The following SATB2 variants were observed in gnomAD, a reference collection of about 807,000 sequenced individuals.
SATB2 encodes the protein SATB homeobox 2, also known as DNA-binding protein SATB2.
Under a neutral mutation model 73.4 loss-of-function variants are expected in SATB2, and 1 was observed. The ratio of observed to expected loss-of-function variants is 0.01; its 90% confidence interval spans 0.00 to 0.06. The LOEUF (loss-of-function observed/expected upper bound fraction) is 0.06. Among genes scored for constraint, SATB2 ranks in the 10% least tolerant of loss-of-function variants. The probability of loss-of-function intolerance (pLI) is 1.00; values close to 1 mark genes in which losing one functional copy is unlikely to be tolerated. For missense variants in SATB2, 459 were observed against 945.8 expected (o/e 0.49, Z 6.75); for synonymous variants, 397 against 367.0 (o/e 1.08, Z -0.93).
At chr2:199,443,524 A>G (rs1455686150) in intron 2 of SATB2, among the ~76,000 whole-genome samples, 1 of 143,548 alleles carries the variant, frequency 7.0e-6, no homozygotes, top group Admixed American at 7.5e-5. Flanking sequence ...TAAAAACTGA[A>G]AAGTAAAGTT....
At chr2:199,417,889 T>A (rs1691041662) in intron 3 of SATB2, among the ~76,000 whole-genome samples, 1 of 152,116 alleles carries the variant, frequency 6.6e-6, no homozygotes, top group Non-Finnish European at 1.5e-5. Flanking sequence ...TATTGTCAAT[T>A]TAAAAACATG....
chr2:199,381,715 G>A lies in SATB2; in HGVS notation c.452C>T (p.Thr151Met), dbSNP rs1414878673. 22 of 1,614,096 alleles carry A rather than the reference G, an allele frequency of 1.4e-5. No individual in the cohort carries two copies. Among genetic ancestry groups the A allele is most frequent in the Non-Finnish European group, 1.7e-5 (20 of 1,179,964 alleles). The part of the protein sequence containing the change: ...DMLQDVYHVV[T>M]LKIQLQSCSK... Reference sequence around the variant, plus strand: ...CCACCTTTGTAATTGGATTTTCAACGTCACAACATGATAGACATCTTGTAG... The same window carrying A: ...CCACCTTTGTAATTGGATTTTCAACATCACAACATGATAGACATCTTGTAG... Residue 151 changes from threonine to methionine, a missense_variant, in exon 4 of 11, where the codon ACG becomes ATG. Around this residue, in one of 13 missense-constraint regions of SATB2, gnomAD observed 56 missense variants for 183.7 expected, o/e 0.30. Transcript: ENST00000417098.
At chr2:199,279,302 G>T (rs1692410550) in intron 10 of SATB2, among the ~76,000 whole-genome samples, 1 of 152,190 alleles carries the variant, frequency 6.6e-6, no homozygotes. Context: ...CATGACCAAA[G>T]TTGACTAAGA....
intron 3 of SATB2, among the ~76,000 whole-genome samples, chr2:199,391,756 C>T (rs1441384590): frequency 6.6e-6 from 1 of 152,126 alleles, no homozygotes; most frequent in African/African-American, 2.4e-5. Flanking sequence ...AGTAGACTTA[C>T]AGTCACAACA....
chr2:199,357,124 G>C (rs1426251890), intron 6 of SATB2, among the ~76,000 whole-genome samples: 1 of 152,218 alleles, frequency 6.6e-6, no homozygotes, highest in Admixed American at 6.5e-5. Context: ...CCAGTTTGGG[G>C]CATGTGGTTA....
intron 7 of SATB2, among the ~76,000 whole-genome samples, chr2:199,343,323 A>G (rs1237936362): frequency 3.3e-5 from 5 of 152,248 alleles, no homozygotes; most frequent in Non-Finnish European, 5.9e-5. Flanking sequence ...TATGAATAAT[A>G]GAGATCATGA....
intron 5 of SATB2, among the ~76,000 whole-genome samples, chr2:199,370,576 A>G (rs570124256): frequency 3.3e-5 from 5 of 152,238 alleles, no homozygotes; most frequent in African/African-American, 1.2e-4. Flanking sequence ...TAAAACGAAC[A>G]GTGTCTAATT....
chr2:199,419,351 C>T (rs1263633230), intron 3 of SATB2, among the ~76,000 whole-genome samples: 3 of 152,178 alleles, frequency 2.0e-5, no homozygotes, highest in Non-Finnish European at 2.9e-5. Flanking sequence ...AACTATTAAA[C>T]GCACTAAGAG....
intron 10 of SATB2, among the ~76,000 whole-genome samples, chr2:199,282,729 T>C (rs2105726385): frequency 6.6e-6 from 1 of 152,348 alleles, no homozygotes; most frequent in African/African-American, 2.4e-5. Flanking sequence ...ATTTTTTCTA[T>C]CAACATGCTT....
intron 10 of SATB2, among the ~76,000 whole-genome samples, chr2:199,296,348 T>C (rs1693030899): frequency 6.6e-6 from 1 of 152,150 alleles, no homozygotes; most frequent in Admixed American, 6.5e-5. Context: ...GTGTTTTAGA[T>C]AAAAGGGGTC....
Position 199,457,813 on chromosome 2 carries a change from A to G in SATB2, c.-534T>C, listed in dbSNP as rs6723897. 0.078 allele frequency: 12,045 copies of G among 154,088 alleles called. 1,552 individuals are homozygous for G. The highest frequency in any genetic ancestry group is 0.27 in the African/African-American group (11,130 of 41,346). The allele number at this position is 154,088 out of a possible 1,614,324, so 9.5% of individuals were successfully genotyped here. On this transcript the variant is annotated 5_prime_UTR_variant, in exon 1 of 11. Coordinates refer to ENST00000417098, the MANE Select transcript of SATB2 (RefSeq NM_001172509.2). The surrounding 1 kb of genome is among the most constrained non-coding windows in gnomAD (Gnocchi z 4.8). ...GCGCGGCCAGAGCGGTGGGACCGGT[A>G]ACACCAAGAGCCGAGAAGACGCAGG...
chr2:199,440,977 T>A (rs949289466), intron 2 of SATB2, among the ~76,000 whole-genome samples: 1 of 151,968 alleles, frequency 6.6e-6, no homozygotes, highest in Non-Finnish European at 1.5e-5. Flanking sequence ...GCCTCCCAAG[T>A]AGCTGGGATT....
At chr2:199,432,681 T>G (rs2105928042) in intron 3 of SATB2, among the ~76,000 whole-genome samples, 1 of 152,312 alleles carries the variant, frequency 6.6e-6, no homozygotes, top group East Asian at 1.9e-4. Context: ...TATTATTTGT[T>G]TTGTCAATTC....
intron 7 of SATB2, chr2:199,329,465 A>C (rs1037135): frequency 0.63 from 98,685 of 157,304 alleles, 34,018 homozygotes; most frequent in Non-Finnish European, 0.77. Context: ...CAAATGGCTA[A>C]ATTGTGTTAA....
At chr2:199,391,526 T>C (rs1690141221) in intron 3 of SATB2, among the ~76,000 whole-genome samples, 1 of 152,050 alleles carries the variant, frequency 6.6e-6, no homozygotes, top group Non-Finnish European at 1.5e-5. Flanking sequence ...CATTTTCATA[T>C]ATATGTTATT....
intron 3 of SATB2, among the ~76,000 whole-genome samples, chr2:199,425,944 G>C (rs570979138): frequency 6.6e-6 from 1 of 152,260 alleles, no homozygotes; most frequent in Admixed American, 6.5e-5. Context: ...CATGGGGTCT[G>C]TTGAAGAATT....
chr2:199,334,913 A>G (rs550541099), intron 7 of SATB2, among the ~76,000 whole-genome samples: 3 of 152,120 alleles, frequency 2.0e-5, no homozygotes, highest in African/African-American at 7.2e-5. Flanking sequence ...CATGAGAGGC[A>G]TTTCCCCCTC....
rs1692249902 is a variant in SATB2 at position 199,455,631 on chromosome 2, C to A, written c.169+238G>T. ...CTGTGACATAAACCTGCCAACACCT[C>A]AGCACACAGTGGCAAAATGCCCAAA... On this transcript the variant is annotated intron_variant, in intron 2 of 10. Transcript: ENST00000417098. The surrounding 1 kb of genome is among the most constrained non-coding windows in gnomAD (Gnocchi z 4.1). 6.6e-6 allele frequency among the ~76,000 whole-genome samples: 1 copy of A among 152,250 alleles called. No individual in the cohort carries two copies. Among genetic ancestry groups the A allele is most frequent in the African/African-American group, 2.4e-5 (1 of 41,458 alleles).
chr2:199,459,440 C>T (rs996293299), upstream of SATB2, among the ~76,000 whole-genome samples: 1 of 152,184 alleles, frequency 6.6e-6, no homozygotes, highest in Non-Finnish European at 1.5e-5. The surrounding 1 kb of genome is among the most constrained non-coding windows in gnomAD (Gnocchi z 4.2). Flanking sequence ...CGCTTGGGCG[C>T]GCTGCCTCCT....
Sources: gnomAD v4.1 joint callset for allele counts (sites outside exome capture counted in the v4.1 genomes callset) on GRCh38, gnomAD v4.1.1 for gene constraint, gnomAD v4.1.1 regional missense constraint, Gnocchi (gnomAD v3.1) non-coding constraint, MANE v1.5 for transcripts, NCBI Gene and HGNC (gene_info 2026-07-23, HGNC 2026-07-21) for gene names.